Variants in JUN observed in about 807,000 individuals in gnomAD.
JUN encodes Jun proto-oncogene, AP-1 transcription factor subunit, also known as transcription factor Jun.
JUN carries 7 observed loss-of-function variants against 19.7 expected under a neutral mutation model. The ratio of observed to expected loss-of-function variants is 0.36; its 90% confidence interval spans 0.20 to 0.67. The LOEUF is 0.67. JUN is among the 30% of genes least tolerant of loss of function. JUN has a pLI of 0.64. For missense variants in JUN, 373 were observed against 451.0 expected, an observed-to-expected ratio of 0.83 and a Z score of 1.57; for synonymous variants, 246 against 206.9, an observed-to-expected ratio of 1.19 and a Z score of -1.62.
In JUN at chr1:58,783,241, T is replaced by A. The variant is rs1370692847; in HGVS notation, c.-171A>T. The A allele has an allele frequency of 1.0e-6, 1 of 971,906 alleles. No homozygotes were observed. Among genetic ancestry groups the A allele is most frequent in the East Asian group, 2.6e-5 (1 of 38,356 alleles). 60.2% of individuals were successfully genotyped at this position (971,906 alleles called of 1,614,324 possible). A position where few individuals can be genotyped will look rare whatever the true frequency, so the allele number is the denominator to read the frequency against. The stretch of plus-strand genomic sequence containing the variant: ...GGCTGTCGTCCCCGCTGCGCCCTCC[T>A]CACCAGCTCGCTCCAGGGAGCGCAG... On this transcript the variant is annotated 5_prime_UTR_variant, in exon 1 of 1. Coordinates refer to ENST00000371222, the MANE Select transcript of JUN (RefSeq NM_002228.4).
Position 58,782,856 on chromosome 1 carries a change from G to C in JUN, c.215C>G (p.Ala72Gly). Residue 72 changes from alanine to glycine, a missense_variant, in exon 1 of 1, where the codon GCG (alanine) becomes GGG (glycine). Physicochemically the swap from Ala to Gly is moderately conservative, Grantham distance 60. This residue lies in a region of JUN where 113 missense variants were observed against 136.9 expected (regional missense o/e 0.83). Coordinates refer to ENST00000371222, the MANE Select transcript of JUN (RefSeq NM_002228.4). The surrounding 1 kb of genome is among the most constrained non-coding windows in gnomAD (Gnocchi z 8.7). Reference sequence around the variant, plus strand: ...TATCAGGCGCTCCAGCTCGGGCGACGCCAGCTTGAGCAGCCCCACGTCGGG... The same window carrying C: ...TATCAGGCGCTCCAGCTCGGGCGACCCCAGCTTGAGCAGCCCCACGTCGGG... ...TSPDVGLLKL[A>G]SPELERLIIQ... is the part of the protein sequence containing the mutation. 2.5e-6 allele frequency: 4 copies of C among 1,614,096 alleles called. No homozygotes were observed. Among genetic ancestry groups the C allele is most frequent in the Middle Eastern group, 1.7e-4 (1 of 6,060 alleles).
In JUN at chr1:58,782,339, G is replaced by A; in HGVS notation, c.732C>T (p.Pro244=). 1.2e-6 allele frequency: 2 copies of A among 1,614,152 alleles called. No individual in the cohort carries two copies. The highest frequency in any genetic ancestry group is 1.7e-4 in the Middle Eastern group (1 of 6,060). The change falls in exon 1 of 1, where the codon CCC becomes CCT. Residue 244 remains proline, a synonymous_variant. Coordinates refer to ENST00000371222, the MANE Select transcript of JUN (RefSeq NM_002228.4). This position sits in a 1 kb window ranked among gnomAD's most constrained non-coding sequence, Gnocchi z 8.7. ...EMPGETPPLS[P]IDMESQERIK... ...TCCGCTCCTGGGACTCCATGTCGAT[G>A]GGGGACAGGGGCGGTGTCTCGCCGG...
chr1:58,782,924 C>T lies in JUN; in HGVS notation c.147G>A (p.Leu49=), dbSNP rs2100740048. ...TLNLADPVGS[L]KPHLRAKNSD... is the part of the protein sequence containing the mutation. Reference sequence around the variant, plus strand: ...AGTTCTTGGCGCGGAGGTGCGGCTTCAGGCTCCCCACTGGGTCGGCCAGGT... The same window carrying T: ...AGTTCTTGGCGCGGAGGTGCGGCTTTAGGCTCCCCACTGGGTCGGCCAGGT... The change falls in exon 1 of 1, where the codon CTG becomes CTA. Residue 49 remains leucine, a synonymous_variant. Transcript: ENST00000371222. This position sits in a 1 kb window ranked among gnomAD's most constrained non-coding sequence, Gnocchi z 8.7. 4 of 1,614,224 alleles carry T rather than the reference C, an allele frequency of 2.5e-6. No individual in the cohort carries two copies. The highest frequency in any genetic ancestry group is 3.4e-6 in the Non-Finnish European group (4 of 1,180,040).
Position 58,782,596 on chromosome 1 carries a change from AGCCGCC to A in JUN, c.469_474del (p.Gly157_Gly158del). Reference sequence around the variant, plus strand: ...GGCTCGCTGTGCAGGCTGGCGCTGAAGCCGCCGCTGCCGCTGCCCCCTGCCACCGAG... The same window carrying A: ...GGCTCGCTGTGCAGGCTGGCGCTGAAGCTGCCGCTGCCCCCTGCCACCGAG... On this transcript the variant is annotated inframe_deletion, in exon 1 of 1. Transcript: ENST00000371222. The surrounding 1 kb of genome is among the most constrained non-coding windows in gnomAD (Gnocchi z 8.7). The A allele has an allele frequency of 6.3e-7, 1 of 1,581,958 alleles. No individual in the cohort carries two copies. Among genetic ancestry groups the A allele is most frequent in the Non-Finnish European group, 8.5e-7 (1 of 1,172,164 alleles).
At position 58,782,183 on chromosome 1, in the gene JUN, G is replaced by C. The variant is rs571546295; in HGVS notation, c.888C>G (p.Ser296=). 2 of 1,614,246 alleles carry C rather than the reference G, an allele frequency of 1.2e-6. No homozygotes were observed. Among genetic ancestry groups the C allele is most frequent in the South Asian group, 1.1e-5 (1 of 91,088 alleles). The part of the protein sequence containing the change: ...TLKAQNSELA[S]TANMLREQVA... Reference sequence around the variant, plus strand: ...CCTGTTCCCTGAGCATGTTGGCCGTGGACGCCAGCTCCGAGTTCTGAGCTT... The same window carrying C: ...CCTGTTCCCTGAGCATGTTGGCCGTCGACGCCAGCTCCGAGTTCTGAGCTT... The change falls in exon 1 of 1, where the codon TCC becomes TCG. Residue 296 remains serine (S), a synonymous_variant. Coordinates refer to ENST00000371222, the MANE Select transcript of JUN (RefSeq NM_002228.4). The surrounding 1 kb of genome is among the most constrained non-coding windows in gnomAD (Gnocchi z 8.7).
In JUN at chr1:58,783,103, T is replaced by A. The variant is rs901594299; in HGVS notation, c.-33A>T. 1 of 1,580,574 alleles carries A rather than the reference T, an allele frequency of 6.3e-7. No individual in the cohort carries two copies. The highest frequency in any genetic ancestry group is 8.6e-7 in the Non-Finnish European group (1 of 1,157,730). On this transcript the variant is annotated 5_prime_UTR_variant, in exon 1 of 1. Transcript: ENST00000371222. The stretch of plus-strand genomic sequence containing the variant: ...TCCGTCACTTCACGTGAGGTTAGTT[T>A]GGGCTGCGCGCACAAGTTTCGGGGC...
Position 58,782,592 on chromosome 1 carries a change from C to A in JUN, c.479G>T (p.Ser160Ile). 1 of 1,579,520 alleles carries A rather than the reference C, an allele frequency of 6.3e-7. No individual in the cohort carries two copies. The highest frequency in any genetic ancestry group is 1.7e-4 in the Middle Eastern group (1 of 6,000). Residue 160 changes from serine (S) to isoleucine (I), a missense_variant, in exon 1 of 1, where the codon AGC becomes ATC. Physicochemically the swap from Ser to Ile is moderately radical, Grantham distance 142. This residue lies in a region of JUN where 173 missense variants were observed against 154.5 expected (regional missense o/e 1.12). Transcript: ENST00000371222. This position sits in a 1 kb window ranked among gnomAD's most constrained non-coding sequence, Gnocchi z 8.7. ...VAGGSGSGGF[S>I]ASLHSEPPVY... ...CGGCGGCTCGCTGTGCAGGCTGGCGCTGAAGCCGCCGCTGCCGCTGCCCCC... is the reference window on the plus strand; with the variant it reads ...CGGCGGCTCGCTGTGCAGGCTGGCGATGAAGCCGCCGCTGCCGCTGCCCCC...
chr1:58,783,644 G>A lies in JUN; in HGVS notation c.-574C>T. 8.1e-6 allele frequency: 2 copies of A among 248,102 alleles called. No homozygotes were observed. The highest frequency in any genetic ancestry group is 8.5e-6 in the Non-Finnish European group (1 of 118,088). The allele number at this position is 248,102 out of a possible 1,614,324, so 15.4% of individuals were successfully genotyped here. On this transcript the variant is annotated 5_prime_UTR_variant, in exon 1 of 1. Transcript: ENST00000371222. ...TTCTGGTCTTTACCGCCGTGGAGAAGCCTAAGACGCAGGAAAGGCTTGCAA... is the reference window on the plus strand; with the variant it reads ...TTCTGGTCTTTACCGCCGTGGAGAAACCTAAGACGCAGGAAAGGCTTGCAA...
In JUN at chr1:58,782,369, C is replaced by T. The variant is rs1645581274; in HGVS notation, c.702G>A (p.Glu234=). 1 of 1,613,964 alleles carries T rather than the reference C, an allele frequency of 6.2e-7. No homozygotes were observed. Among genetic ancestry groups the T allele is most frequent in the African/African-American group, 1.3e-5 (1 of 75,066 alleles). ...ACAGGGGCGGTGTCTCGCCGGGCAT[C>T]TCGGGCACTGTCTGAGGCTCCTCCT... ...ALKEEPQTVP[E]MPGETPPLSP... The change falls in exon 1 of 1, where the codon GAG becomes GAA. Residue 234 remains glutamate (E), a synonymous_variant. Transcript: ENST00000371222. The surrounding 1 kb of genome is among the most constrained non-coding windows in gnomAD (Gnocchi z 8.7).
chr1:58,782,046 G>A lies in JUN; in HGVS notation c.*29C>T, dbSNP rs573734219. 2 of 1,530,142 alleles carry A rather than the reference G, an allele frequency of 1.3e-6. No individual in the cohort carries two copies. Among genetic ancestry groups the A allele is most frequent in the Admixed American group, 1.9e-5 (1 of 53,690 alleles). The allele number at this position is 1,530,142 out of a possible 1,614,324, so 94.8% of individuals were successfully genotyped here. ...TCTCTCTGTGTTATTTTTTTTCTTCGTTGCCCCTCAGCCCCCGACGGTCTC... is the reference window on the plus strand; with the variant it reads ...TCTCTCTGTGTTATTTTTTTTCTTCATTGCCCCTCAGCCCCCGACGGTCTC... On this transcript the variant is annotated 3_prime_UTR_variant, in exon 1 of 1. Transcript: ENST00000371222. The surrounding 1 kb of genome is among the most constrained non-coding windows in gnomAD (Gnocchi z 8.7).
In JUN at chr1:58,781,868, T is replaced by G; in HGVS notation, c.*207A>C. 1 of 580,042 alleles carries G rather than the reference T, an allele frequency of 1.7e-6. No homozygotes were observed. Among genetic ancestry groups the G allele is most frequent in the Non-Finnish European group, 3.0e-6 (1 of 329,092 alleles). 35.9% of individuals were successfully genotyped at this position (580,042 alleles called of 1,614,324 possible). ...AGCCCGCAGGCGGCCGCTCCCTGGC[T>G]CCACGCCAAGGGAGGGCGCGCCAAG... On this transcript the variant is annotated 3_prime_UTR_variant, in exon 1 of 1. Coordinates refer to ENST00000371222, the MANE Select transcript of JUN (RefSeq NM_002228.4).
rs956956935 is a variant in JUN at position 58,783,955 on chromosome 1, C to T, written c.-885G>A. ...TTTGCAGTTCGGACTATACTGCCGA[C>T]CTGGCTGGCTGGCTGTGTCTGTCTG... On this transcript the variant is annotated 5_prime_UTR_variant, in exon 1 of 1. Transcript: ENST00000371222. 1 of 248,928 alleles carries T rather than the reference C, an allele frequency of 4.0e-6. No individual in the cohort carries two copies. The highest frequency in any genetic ancestry group is 8.4e-6 in the Non-Finnish European group (1 of 118,800). The allele number at this position is 248,928 out of a possible 1,614,324, so 15.4% of individuals were successfully genotyped here.
Position 58,783,285 on chromosome 1 carries a change from C to T in JUN, c.-215G>A. 3.2e-6 allele frequency: 2 copies of T among 616,678 alleles called. No individual in the cohort carries two copies. Among genetic ancestry groups the T allele is most frequent in the Admixed American group, 6.4e-5 (2 of 31,290 alleles). 38.2% of individuals were successfully genotyped at this position (616,678 alleles called of 1,614,324 possible). A position where few individuals can be genotyped will look rare whatever the true frequency, so the allele number is the denominator to read the frequency against. ...AGCGCAGGGTTAATTAAGATGCCTCCCGCACTCTTACTTGTCGACTCGCGC... is the reference window on the plus strand; with the variant it reads ...AGCGCAGGGTTAATTAAGATGCCTCTCGCACTCTTACTTGTCGACTCGCGC... On this transcript the variant is annotated 5_prime_UTR_variant, in exon 1 of 1. Transcript: ENST00000371222.
chr1:58,782,210 C>CA lies in JUN; in HGVS notation c.860dup (p.Leu287PhefsTer23). The CA allele has an allele frequency of 6.2e-7, 1 of 1,614,238 alleles. No individual in the cohort carries two copies. The highest frequency in any genetic ancestry group is 8.5e-7 in the Non-Finnish European group (1 of 1,180,040). ...ACGCCAGCTCCGAGTTCTGAGCTTT[C>CA]AAGGTTTTCACTTTTTCCTCCAGCC... On this transcript the variant is annotated frameshift_variant, in exon 1 of 1. Coordinates refer to ENST00000371222, the MANE Select transcript of JUN (RefSeq NM_002228.4). LOFTEE classifies it high-confidence loss of function. This position sits in a 1 kb window ranked among gnomAD's most constrained non-coding sequence, Gnocchi z 8.7.
chr1:58,781,826 C>A lies in JUN; in HGVS notation c.*249G>T. ...ACGTTCCGTTCGCGCGGGGACAGCCCGTCCGCAAAGCGGGGCAGCCCGCAG... is the reference window on the plus strand; with the variant it reads ...ACGTTCCGTTCGCGCGGGGACAGCCAGTCCGCAAAGCGGGGCAGCCCGCAG... On this transcript the variant is annotated 3_prime_UTR_variant, in exon 1 of 1. Coordinates refer to ENST00000371222, the MANE Select transcript of JUN (RefSeq NM_002228.4). The A allele has an allele frequency of 1.8e-6, 1 of 541,452 alleles. No individual in the cohort carries two copies. The highest frequency in any genetic ancestry group is 3.6e-5 in the Admixed American group (1 of 27,980). The allele number at this position is 541,452 out of a possible 1,614,324, so 33.5% of individuals were successfully genotyped here. A position where few individuals can be genotyped will look rare whatever the true frequency, so the allele number is the denominator to read the frequency against.
Position 58,783,092 on chromosome 1 carries a change from T to G in JUN, c.-22A>C. The G allele has an allele frequency of 6.3e-7, 1 of 1,595,372 alleles. No homozygotes were observed. ...TCATAGAACAGTCCGTCACTTCACG[T>G]GAGGTTAGTTTGGGCTGCGCGCACA... On this transcript the variant is annotated 5_prime_UTR_variant, in exon 1 of 1. Coordinates refer to ENST00000371222, the MANE Select transcript of JUN (RefSeq NM_002228.4).
At position 58,783,970 on chromosome 1, in the gene JUN, GTGTC is replaced by G. The variant is rs997535537; in HGVS notation, c.-904_-901del. Reference sequence around the variant, plus strand: ...ATACTGCCGACCTGGCTGGCTGGCTGTGTCTGTCTGTCTGCCTGACTCCGCGCAC... The same window carrying G: ...ATACTGCCGACCTGGCTGGCTGGCTGTGTCTGTCTGCCTGACTCCGCGCAC... On this transcript the variant is annotated 5_prime_UTR_variant, in exon 1 of 1. Transcript: ENST00000371222. 2.4e-5 allele frequency: 6 copies of G among 249,258 alleles called. No individual in the cohort carries two copies. Among genetic ancestry groups the G allele is most frequent in the East Asian group, 6.0e-5 (1 of 16,624 alleles). The allele number at this position is 249,258 out of a possible 1,614,324, so 15.4% of individuals were successfully genotyped here.
Position 58,781,059 on chromosome 1 carries a change from A to AC in JUN, c.*1015dup. ...CAGTGGGCTGTCCCTCTCCACTGCA[A>AC]CCCCCCTTCCTCCAGCCTCCTGAAA... is the stretch of plus-strand genomic sequence containing the variant. On this transcript the variant is annotated 3_prime_UTR_variant, in exon 1 of 1. Transcript: ENST00000371222. 1 of 233,032 alleles carries AC rather than the reference A, an allele frequency of 4.3e-6. No homozygotes were observed. The highest frequency in any genetic ancestry group is 8.5e-6 in the Non-Finnish European group (1 of 117,978). 14.4% of individuals were successfully genotyped at this position (233,032 alleles called of 1,614,324 possible).
Position 58,782,396 on chromosome 1 carries a change from C to T in JUN, c.675G>A (p.Leu225=), listed in dbSNP as rs1453817026. Residue 225 remains leucine (L), a synonymous_variant, in exon 1 of 1, where the codon CTG becomes CTA. Transcript: ENST00000371222. This position sits in a 1 kb window ranked among gnomAD's most constrained non-coding sequence, Gnocchi z 8.7. Reference sequence around the variant, plus strand: ...CGGGCACTGTCTGAGGCTCCTCCTTCAGGGCCTGCAGCCGCGGGTGCTGCA... The same window carrying T: ...CGGGCACTGTCTGAGGCTCCTCCTTTAGGGCCTGCAGCCGCGGGTGCTGCA... The part of the protein sequence containing the change: ...MPVQHPRLQA[L]KEEPQTVPEM... 2 of 1,611,284 alleles carry T rather than the reference C, an allele frequency of 1.2e-6. No homozygotes were observed. The highest frequency in any genetic ancestry group is 2.7e-5 in the African/African-American group (2 of 74,784).
Sources: gnomAD v4.1 joint callset for allele counts on GRCh38, gnomAD v4.1.1 for gene constraint, gnomAD v4.1.1 regional missense constraint, Gnocchi (gnomAD v3.1) non-coding constraint, MANE v1.5 for transcripts, NCBI Gene and HGNC (gene_info 2026-07-23, HGNC 2026-07-21) for gene names.